SGCZ: variants seen among roughly 807,000 people sequenced by gnomAD.
SGCZ encodes the protein zeta-sarcoglycan.
A neutral mutation model predicts 41.3 loss-of-function variants in SGCZ; 40 were observed. The observed-to-expected ratio is 0.97, with a 90% CI of 0.75 to 1.26. The LOEUF (loss-of-function observed/expected upper bound fraction) is 1.26, where lower values mean the gene tolerates loss of function less well. Among genes scored for constraint, SGCZ ranks in the 50% most tolerant of loss-of-function variants. The pLI, the probability that SGCZ is intolerant of heterozygous loss-of-function variation, is 0.00. For synonymous variants in SGCZ, 206 were observed against 137.5 expected, an observed-to-expected ratio of 1.50 and a Z score of -3.49; for missense variants, 552 against 369.8, an observed-to-expected ratio of 1.49 and a Z score of -4.04.
At chr8:14,499,227 C>G (rs1016988946) in intron 2 of SGCZ, among the ~76,000 whole-genome samples, 7 of 151,948 alleles carry the variant, frequency 4.6e-5, no homozygotes, top group African/African-American at 1.7e-4. Flanking sequence ...TTTATATATG[C>G]AAGTTCTACT....
chr8:14,214,789 T>G (rs779061113), intron 4 of SGCZ, among the ~76,000 whole-genome samples: 1 of 152,092 alleles, frequency 6.6e-6, no homozygotes, highest in Non-Finnish European at 1.5e-5. Context: ...CATTATATAA[T>G]TATTTTAGAA....
intron 2 of SGCZ, among the ~76,000 whole-genome samples, chr8:14,373,792 T>C (rs899052654): frequency 6.6e-6 from 1 of 151,938 alleles, no homozygotes; most frequent in African/African-American, 2.4e-5. Flanking sequence ...TCAAGACCTT[T>C]TCGTATGAAT....
intron 3 of SGCZ, among the ~76,000 whole-genome samples, chr8:14,321,860 A>G (rs10109396): frequency 0.5 from 75,504 of 151,734 alleles, 19,047 homozygotes; most frequent in East Asian, 0.55. Context: ...TTCTGCTTTC[A>G]TTATTGAAAT....
chr8:14,429,343 T>C (rs745604351), intron 2 of SGCZ, among the ~76,000 whole-genome samples: 16 of 152,138 alleles, frequency 1.1e-4, no homozygotes, highest in Non-Finnish European at 1.9e-4. Flanking sequence ...AGTCCAGGCA[T>C]AAAGCCTGGG....
intron 1 of SGCZ, among the ~76,000 whole-genome samples, chr8:14,972,332 G>A (rs191291194): frequency 1.9e-4 from 29 of 151,976 alleles, no homozygotes; most frequent in Admixed American, 3.3e-4. Context: ...GATAAATTTG[G>A]ATAGCTGTTT....
At chr8:14,274,047 TG>T (rs1328334826) in intron 3 of SGCZ, among the ~76,000 whole-genome samples, 4 of 152,148 alleles carry the variant, frequency 2.6e-5, no homozygotes, top group Admixed American at 6.6e-5. Flanking sequence ...CTCAGGGTAT[TG>T]TTTTTTTTCA....
At chr8:14,151,440 A>C (rs570738146) in intron 5 of SGCZ, among the ~76,000 whole-genome samples, 7 of 147,582 alleles carry the variant, frequency 4.7e-5, no homozygotes, top group Admixed American at 4.0e-4. Context: ...GATACCAAAA[A>C]AAAACTAAGT....
At chr8:14,450,468 A>C (rs1800559799) in intron 2 of SGCZ, among the ~76,000 whole-genome samples, 1 of 152,216 alleles carries the variant, frequency 6.6e-6, no homozygotes, top group Admixed American at 6.5e-5. Flanking sequence ...GTGTAAGAGA[A>C]AATGTCTGTG....
intron 6 of SGCZ, among the ~76,000 whole-genome samples, chr8:14,103,592 A>T (rs577366801): frequency 6.6e-6 from 1 of 152,298 alleles, no homozygotes; most frequent in East Asian, 1.9e-4. Context: ...CTAAAAGCTT[A>T]AAAGTGATAT....
chr8:14,702,643 C>G (rs900607302), intron 1 of SGCZ, among the ~76,000 whole-genome samples: 1 of 151,892 alleles, frequency 6.6e-6, no homozygotes, highest in Non-Finnish European at 1.5e-5. Context: ...CCGCTATTTA[C>G]TCAGTTGCTC....
chr8:14,102,345 T>C (rs751383425), intron 7 of SGCZ, 31 bp downstream of exon 7: 5 of 1,425,354 alleles, frequency 3.5e-6, no homozygotes, highest in Non-Finnish European at 4.7e-6. Flanking sequence ...GTGGGCAGTA[T>C]AGGGCGAGGG....
intron 2 of SGCZ, among the ~76,000 whole-genome samples, chr8:14,435,995 G>GAAAC (rs1800079499): frequency 6.6e-6 from 1 of 152,016 alleles, no homozygotes; most frequent in African/African-American, 2.4e-5. Context: ...TAGGTATGGG[G>GAAAC]AAACATAAAG....
At chr8:14,569,803 G>A (rs537463063) in intron 1 of SGCZ, among the ~76,000 whole-genome samples, 1 of 152,176 alleles carries the variant, frequency 6.6e-6, no homozygotes, top group Non-Finnish European at 1.5e-5. Context: ...TGCAGCCATT[G>A]AGGTAAGAAC....
intron 1 of SGCZ, among the ~76,000 whole-genome samples, chr8:14,910,929 C>A (rs550804960): frequency 1.3e-5 from 2 of 152,044 alleles, no homozygotes; most frequent in Admixed American, 1.3e-4. Flanking sequence ...GATATACTAA[C>A]AAACATATTC....
chr8:14,864,149 G>A (rs1278877845), intron 1 of SGCZ, among the ~76,000 whole-genome samples: 1 of 152,002 alleles, frequency 6.6e-6, no homozygotes, highest in Non-Finnish European at 1.5e-5. Context: ...AAACATCATT[G>A]GATTTTCAGC....
intron 2 of SGCZ, among the ~76,000 whole-genome samples, chr8:14,551,197 A>C (rs534070405): frequency 2.7e-5 from 4 of 149,076 alleles, no homozygotes; most frequent in African/African-American, 9.8e-5. Flanking sequence ...TGTTCTTAAA[A>C]TCAGTACTTT....
intron 1 of SGCZ, among the ~76,000 whole-genome samples, chr8:14,823,447 T>C (rs902032469): frequency 2.0e-5 from 3 of 151,994 alleles, no homozygotes; most frequent in Admixed American, 2.0e-4. Context: ...CTCAAAAAAA[T>C]ACATAAGAAA....
chr8:14,756,897 A>G (rs1799689254), intron 1 of SGCZ, among the ~76,000 whole-genome samples: 1 of 152,186 alleles, frequency 6.6e-6, no homozygotes, highest in Non-Finnish European at 1.5e-5. Context: ...ATCACACTCT[A>G]ACGAAATGAA....
At chr8:14,662,710 T>C (rs1304210680) in intron 1 of SGCZ, among the ~76,000 whole-genome samples, 1 of 152,142 alleles carries the variant, frequency 6.6e-6, no homozygotes, top group African/African-American at 2.4e-5. Context: ...GAAATCATGG[T>C]TGCCAATTAG....
Sources: gnomAD v4.1 joint callset for allele counts (sites outside exome capture counted in the v4.1 genomes callset) on GRCh38, gnomAD v4.1.1 for gene constraint, MANE v1.5 for transcripts, NCBI Gene and HGNC (gene_info 2026-07-23, HGNC 2026-07-21) for gene names.